RGS6: variants seen among roughly 807,000 people sequenced by gnomAD.
RGS6 encodes the protein regulator of G-protein signaling 6.
A neutral mutation model predicts 78.5 loss-of-function variants in RGS6; 30 were observed. The observed-to-expected ratio is 0.38, with a 90% confidence interval of 0.29 to 0.52. RGS6 has a LOEUF of 0.52. Ranked by LOEUF, RGS6 falls within the 20% of genes least tolerant of loss-of-function variation. RGS6 has a pLI of 0.85. For synonymous variants in RGS6, 206 were observed against 206.0 expected (o/e 1.00, Z 0.00); for missense variants, 495 against 609.7 (o/e 0.81, Z 1.98).
intron 9 of RGS6, among the ~76,000 whole-genome samples, chr14:72,473,545 C>T (rs1247421551): frequency 6.6e-6 from 1 of 152,190 alleles, no homozygotes; most frequent in Non-Finnish European, 1.5e-5. Flanking sequence ...GGTTTACATT[C>T]CCCAAATTAA....
the RGS6 span, among the ~76,000 whole-genome samples, chr14:71,877,195 G>T: frequency 6.6e-6 from 1 of 152,120 alleles, no homozygotes; most frequent in Admixed American, 6.5e-5. Context: ...GGCATTCTCT[G>T]TAGTTCCTGA....
intron 3 of RGS6, among the ~76,000 whole-genome samples, chr14:72,448,672 T>A (rs565651954): frequency 6.6e-6 from 1 of 152,336 alleles, no homozygotes; most frequent in African/African-American, 2.4e-5. Flanking sequence ...GTTCAACAGC[T>A]AATAATAGTA....
intron 2 of RGS6, among the ~76,000 whole-genome samples, chr14:72,293,591 T>C (rs193293653): frequency 1.6e-3 from 239 of 152,262 alleles, no homozygotes; most frequent in Admixed American, 2.9e-3. Flanking sequence ...GATCCATATA[T>C]TCTTAGAATC....
chr14:72,459,774 T>C (rs2095730539), intron 6 of RGS6, 91 bp downstream of exon 6: 1 of 1,293,654 alleles, frequency 7.7e-7, no homozygotes, highest in South Asian at 1.2e-5. Context: ...TGGGCCATGG[T>C]GGTACATGGG....
At chr14:71,911,965 A>G in the RGS6 span, among the ~76,000 whole-genome samples, 7 of 152,322 alleles carry the variant, frequency 4.6e-5, no homozygotes, top group African/African-American at 1.4e-4. Context: ...TACGTCCCAT[A>G]TTCACTTTGG....
At chr14:72,083,525 G>T (rs1468483985) in intron 2 of RGS6, among the ~76,000 whole-genome samples, 1 of 152,158 alleles carries the variant, frequency 6.6e-6, no homozygotes, top group Non-Finnish European at 1.5e-5. Flanking sequence ...GAAGCACAGG[G>T]CTAAGGAGGG....
chr14:72,499,655 GT>G (rs1026785652), intron 13 of RGS6, among the ~76,000 whole-genome samples: 2 of 151,898 alleles, frequency 1.3e-5, no homozygotes, highest in African/African-American at 2.4e-5. Flanking sequence ...TTTTTTTGGG[GT>G]TTTTTTGTTG....
At chr14:72,606,852 C>T in the RGS6 span, among the ~76,000 whole-genome samples, 1 of 152,098 alleles carries the variant, frequency 6.6e-6, no homozygotes. Flanking sequence ...TAAAAAGAGT[C>T]TAGGACCTCC....
rs17110843 is a variant in RGS6, at chr14:72,334,625, C to T, written c.85-17470C>T. Among the ~76,000 whole-genome samples the T allele has an allele frequency of 8.3e-3, 1,271 of 152,270 alleles. 50 individuals are homozygous for T. Among genetic ancestry groups the T allele is most frequent in the Admixed American group, 0.06 (911 of 15,294 alleles). On this transcript the variant is annotated intron_variant, in intron 2 of 17. Transcript: ENST00000553525. ...AACACTTTTTTGCAGTAATGTGTTC[C>T]GTGATGGAAGTCATCTAATTCATTC...
intron 17 of RGS6, among the ~76,000 whole-genome samples, chr14:72,551,418 C>T (rs1343558036): frequency 2.0e-5 from 3 of 152,204 alleles, no homozygotes; most frequent in African/African-American, 7.2e-5. Context: ...CCAGTTACCT[C>T]ACTACCTGTG....
the RGS6 span, among the ~76,000 whole-genome samples, chr14:72,607,084 T>A: frequency 1.3e-5 from 2 of 152,124 alleles, no homozygotes. Flanking sequence ...CCTCCATCCC[T>A]CTGACTCAGG....
chr14:71,983,913 A>G (rs1326615920), intron 2 of RGS6, among the ~76,000 whole-genome samples: 2 of 152,250 alleles, frequency 1.3e-5, no homozygotes, highest in Non-Finnish European at 2.9e-5. Flanking sequence ...GCAAAGATCA[A>G]ATGAACAAGT....
At chr14:72,180,093 C>A (rs562037576) in intron 2 of RGS6, among the ~76,000 whole-genome samples, 1 of 152,172 alleles carries the variant, frequency 6.6e-6, no homozygotes, top group Non-Finnish European at 1.5e-5. Flanking sequence ...GAAGTTTGAG[C>A]CTTTACTGCT....
the RGS6 span, among the ~76,000 whole-genome samples, chr14:72,624,495 T>C: frequency 6.8e-3 from 1,034 of 152,142 alleles, 12 homozygotes; most frequent in African/African-American, 0.024. Flanking sequence ...TGTGCCACCA[T>C]GCCTGGCTAA....
At chr14:72,433,682 G>A (rs1245326874) in intron 3 of RGS6, among the ~76,000 whole-genome samples, 2 of 152,110 alleles carry the variant, frequency 1.3e-5, no homozygotes, top group East Asian at 3.9e-4. Flanking sequence ...CAACTCCCCA[G>A]CCCTCCTTCC....
intron 6 of RGS6, among the ~76,000 whole-genome samples, chr14:72,465,235 C>CT (rs2095871219): frequency 6.6e-6 from 1 of 152,196 alleles, no homozygotes; most frequent in African/African-American, 2.4e-5. Flanking sequence ...CCCAACCTTA[C>CT]TTCTGAGGCC....
At chr14:72,372,689 T>A (rs2083754112) in intron 3 of RGS6, among the ~76,000 whole-genome samples, 1 of 152,154 alleles carries the variant, frequency 6.6e-6, no homozygotes, top group African/African-American at 2.4e-5. Flanking sequence ...TAAATCTAAA[T>A]TTTTCCTCCC....
chr14:72,188,216 T>C (rs543772132), intron 2 of RGS6, among the ~76,000 whole-genome samples: 22 of 152,216 alleles, frequency 1.4e-4, no homozygotes, highest in Non-Finnish European at 3.1e-4. Flanking sequence ...CAACAATATA[T>C]ACTCAATAAA....
intron 2 of RGS6, among the ~76,000 whole-genome samples, chr14:72,172,761 C>T (rs748155614): frequency 3.3e-5 from 5 of 152,088 alleles, no homozygotes; most frequent in South Asian, 4.2e-4. Context: ...CAACAGTGAC[C>T]GAAACAAAGT....
Sources: gnomAD v4.1 joint callset for allele counts (sites outside exome capture counted in the v4.1 genomes callset) on GRCh38, gnomAD v4.1.1 for gene constraint, MANE v1.5 for transcripts, NCBI Gene and HGNC (gene_info 2026-07-23, HGNC 2026-07-21) for gene names.